Variants in FAT4 observed in about 807,000 individuals in gnomAD.
The protein encoded by FAT4 is FAT atypical cadherin 4, also known as protocadherin Fat 4.
In FAT4, 84 loss-of-function variants were observed where a neutral mutation model predicts 303.9. That is an observed-to-expected ratio of 0.28 (90% confidence interval 0.23 to 0.33). The LOEUF is 0.33. Among genes scored for constraint, FAT4 ranks in the 10% least tolerant of loss-of-function variants. FAT4 has a pLI of 1.00. For missense variants in FAT4, 6,005 were observed against 6,146.8 expected (o/e 0.98, Z 0.77); for synonymous variants, 2,307 against 2,298.8 (o/e 1.00, Z -0.10).
Position 125,481,804 on chromosome 4 carries a change from T to A in FAT4, c.12822+66T>A, listed in dbSNP as rs1167104588. On this transcript the variant is annotated intron_variant, in intron 16 of 17. Coordinates refer to ENST00000394329, the MANE Select transcript of FAT4 (RefSeq NM_001291303.3). Reference sequence around the variant, plus strand: ...CCTGCCGTGTAGTGGTTTAAATCACTTCCCCCATAATTTCTGTCCTTTTCT... The same window carrying A: ...CCTGCCGTGTAGTGGTTTAAATCACATCCCCCATAATTTCTGTCCTTTTCT... 1.8e-5 allele frequency: 24 copies of A among 1,370,146 alleles called. No individual in the cohort carries two copies. The Admixed American group carries it at 4.0e-4, about 23-fold the overall frequency. The allele number at this position is 1,370,146 out of a possible 1,614,324, so 84.9% of individuals were successfully genotyped here.
chr4:125,377,413 C>T (rs1002285323), intron 2 of FAT4, among the ~76,000 whole-genome samples: 22 of 152,080 alleles, frequency 1.4e-4, no homozygotes, highest in Non-Finnish European at 2.6e-4. Flanking sequence ...TAGACCACAG[C>T]TCCTCCCTAT....
rs147679790 is a variant in FAT4 at position 125,360,210 on chromosome 4, C to T, written c.5176-38574C>T. ...ATTGCTAGCACCAGCACTTCCACTA[C>T]TCCAGGAATTAACACCTCTTTCTCT... On this transcript the variant is annotated intron_variant, in intron 2 of 17. Coordinates refer to ENST00000394329, the MANE Select transcript of FAT4 (RefSeq NM_001291303.3). Among the ~76,000 whole-genome samples, 425 of 152,300 alleles carry T rather than the reference C, an allele frequency of 2.8e-3. 9 individuals are homozygous for T. In the East Asian group the frequency reaches 0.045, roughly 16 times the overall value.
intron 2 of FAT4, among the ~76,000 whole-genome samples, chr4:125,339,333 T>G (rs1025050435): frequency 6.6e-6 from 1 of 151,952 alleles, no homozygotes; most frequent in African/African-American, 2.4e-5. Context: ...GTAGCTGGGA[T>G]TACAGGCTCA....
Position 125,415,825 on chromosome 4 carries a change from A to C in FAT4, c.6843+19A>C. 6.4e-7 allele frequency: 1 copy of C among 1,563,626 alleles called. No individual in the cohort carries two copies. Among genetic ancestry groups the C allele is most frequent in the Non-Finnish European group, 8.7e-7 (1 of 1,147,840 alleles). On this transcript the variant is annotated intron_variant, in intron 6 of 17. Coordinates refer to ENST00000394329, the MANE Select transcript of FAT4 (RefSeq NM_001291303.3). Reference sequence around the variant, plus strand: ...TCTTCAGGTCAGTATATTTAAATAAAGCAAGTATTGTCTTAATTATAAGAC... The same window carrying C: ...TCTTCAGGTCAGTATATTTAAATAACGCAAGTATTGTCTTAATTATAAGAC...
intron 7 of FAT4, among the ~76,000 whole-genome samples, chr4:125,420,740 C>T (rs1735257672): frequency 6.6e-6 from 1 of 152,200 alleles, no homozygotes; most frequent in South Asian, 2.1e-4. Flanking sequence ...GCTTAAAATA[C>T]TGCTTGAGCT....
At chr4:125,391,217 A>G (rs1486493721) in intron 2 of FAT4, among the ~76,000 whole-genome samples, 2 of 152,150 alleles carry the variant, frequency 1.3e-5, no homozygotes, top group Admixed American at 1.3e-4. Context: ...ACATATGCAC[A>G]TGTATGTTTA....
intron 2 of FAT4, among the ~76,000 whole-genome samples, chr4:125,346,277 A>G (rs556354533): frequency 6.6e-6 from 1 of 152,188 alleles, no homozygotes; most frequent in African/African-American, 2.4e-5. Flanking sequence ...TAAAAATAAA[A>G]GCGGTAGCAG....
Position 125,490,933 on chromosome 4 carries a change from C to A in FAT4, c.14117C>A (p.Ala4706Asp). 1.2e-6 allele frequency: 2 copies of A among 1,614,204 alleles called. No homozygotes were observed. The highest frequency in any genetic ancestry group is 1.7e-6 in the Non-Finnish European group (2 of 1,180,046). Residue 4706 changes from alanine to aspartate, a missense_variant, in exon 18 of 18, where the codon GCC becomes GAC. Transcript: ENST00000394329. ...TPNPLSRHSP[A>D]PFSKSSTFYR... ...AACCCTCTGTCTCGACACAGTCCAG[C>A]CCCTTTCTCCAAATCTTCTACGTTC...
rs768308239 is a variant in FAT4 at position 125,481,690 on chromosome 4, T to A, written c.12774T>A (p.Asn4258Lys). The change falls in exon 16 of 18, where the codon AAT becomes AAA. Residue 4258 changes from asparagine to lysine, a missense_variant. Coordinates refer to ENST00000394329, the MANE Select transcript of FAT4 (RefSeq NM_001291303.3). ...LEVKFRTRSE[N>K]GVLIHIQESS... Reference sequence around the variant, plus strand: ...TAAAATTTAGGACCAGAAGCGAGAATGGCGTTTTAATCCATATCCAAGAAA... The same window carrying A: ...TAAAATTTAGGACCAGAAGCGAGAAAGGCGTTTTAATCCATATCCAAGAAA... 6.2e-7 allele frequency: 1 copy of A among 1,613,924 alleles called. No homozygotes were observed.
chr4:125,448,739 A>C lies in FAT4; in HGVS notation c.7729A>C (p.Met2577Leu), dbSNP rs775822917. ...AGTGAGAGCCAAAGAACAAACGTTCATGTTTCCTGAAAACCAACCAGTCAG... is the reference window on the plus strand; with the variant it reads ...AGTGAGAGCCAAAGAACAAACGTTCCTGTTTCCTGAAAACCAACCAGTCAG... ...PKVRAKEQTF[M>L]FPENQPVSSL... Residue 2577 changes from methionine (M) to leucine (L), a missense_variant, in exon 10 of 18, where the codon ATG becomes CTG. Coordinates refer to ENST00000394329, the MANE Select transcript of FAT4 (RefSeq NM_001291303.3). 6 of 1,613,416 alleles carry C rather than the reference A, an allele frequency of 3.7e-6. No homozygotes were observed. Among genetic ancestry groups the C allele is most frequent in the Non-Finnish European group, 5.1e-6 (6 of 1,179,928 alleles).
At chr4:125,377,761 C>T (rs552100086) in intron 2 of FAT4, among the ~76,000 whole-genome samples, 1 of 152,096 alleles carries the variant, frequency 6.6e-6, no homozygotes, top group African/African-American at 2.4e-5. Context: ...GGCAAACTCT[C>T]ACAAACCAAA....
chr4:125,351,750 T>A, intron 2 of FAT4, among the ~76,000 whole-genome samples: 1 of 151,804 alleles, frequency 6.6e-6, no homozygotes, highest in East Asian at 1.9e-4. Flanking sequence ...AAGTCAGAAA[T>A]GTTTGTACAC....
chr4:125,485,694 A>G (rs548378253), intron 16 of FAT4, among the ~76,000 whole-genome samples: 47 of 152,354 alleles, frequency 3.1e-4, no homozygotes, highest in Non-Finnish European at 5.6e-4. Context: ...TAATGATTAA[A>G]AAAACGGTGT....
Position 125,393,014 on chromosome 4 carries a change from G to T in FAT4, c.5176-5770G>T, listed in dbSNP as rs145381745. 9.0e-3 allele frequency among the ~76,000 whole-genome samples: 1,370 copies of T among 152,254 alleles called. 10 individuals carry two copies. Among genetic ancestry groups the T allele is most frequent in the Non-Finnish European group, 0.013 (903 of 68,014 alleles). On this transcript the variant is annotated intron_variant, in intron 2 of 17. Transcript: ENST00000394329. The stretch of plus-strand genomic sequence containing the variant: ...AAAATAACAGAAATGGAATGGAAAT[G>T]GACTTGATGATATTTAACATTCCTA...
At chr4:125,438,987 A>G (rs1247615573) in intron 8 of FAT4, among the ~76,000 whole-genome samples, 3 of 152,214 alleles carry the variant, frequency 2.0e-5, no homozygotes, top group African/African-American at 4.8e-5. Flanking sequence ...ATGATTTTGC[A>G]TATAGCATCC....
chr4:125,335,353 A>G (rs4333196), intron 2 of FAT4, among the ~76,000 whole-genome samples: 113,025 of 151,876 alleles, frequency 0.74, 42,952 homozygotes, highest in African/African-American at 0.89. Flanking sequence ...GATGGGGTTG[A>G]GGTAGTGTTG....
chr4:125,470,110 A>T (rs938988146), intron 12 of FAT4, among the ~76,000 whole-genome samples: 1 of 152,206 alleles, frequency 6.6e-6, no homozygotes, highest in African/African-American at 2.4e-5. Context: ...GACCAGGTGC[A>T]TTGTCAGTGA....
chr4:125,415,560 T>C lies in FAT4; in HGVS notation c.6597T>C (p.Asn2199=), dbSNP rs377502295. The change falls in exon 6 of 18, where the codon AAT becomes AAC. Residue 2199 remains asparagine (N), a synonymous_variant. Coordinates refer to ENST00000394329, the MANE Select transcript of FAT4 (RefSeq NM_001291303.3). Reference sequence around the variant, plus strand: ...ATGGCATTGTTAATGGTAATACCAATCAGGAATTTCGGATAGACTCTGTCA... The same window carrying C: ...ATGGCATTGTTAATGGTAATACCAACCAGGAATTTCGGATAGACTCTGTCA... ...VRYGIVNGNT[N]QEFRIDSVTG... 4.0e-5 allele frequency: 65 copies of C among 1,613,922 alleles called. No homozygotes were observed. Among genetic ancestry groups the C allele is most frequent in the Non-Finnish European group, 8.5e-6 (10 of 1,179,980 alleles).
chr4:125,386,529 C>G (rs1212088834), intron 2 of FAT4, among the ~76,000 whole-genome samples: 1 of 152,126 alleles, frequency 6.6e-6, no homozygotes, highest in South Asian at 2.1e-4. Flanking sequence ...CTTGGCCTCC[C>G]AAAGTGCTGG....
Sources: allele counts gnomAD v4.1 joint callset (sites outside exome capture counted in the v4.1 genomes callset), GRCh38; gene constraint gnomAD v4.1.1; transcripts MANE v1.5; gene names NCBI Gene and HGNC (gene_info 2026-07-23, HGNC 2026-07-21).